Variants in C3orf22 observed in about 807,000 individuals in gnomAD.
The protein encoded by C3orf22 is uncharacterized protein C3orf22.
Under a neutral mutation model 10.8 loss-of-function variants are expected in C3orf22, and 7 were observed. The observed-to-expected ratio is 0.65, with a 90% confidence interval of 0.37 to 1.22. C3orf22 has a LOEUF of 1.22. Ranked by LOEUF, C3orf22 falls within the 50% of genes most tolerant of loss-of-function variation. C3orf22 has a pLI of 0.02. For missense variants in C3orf22, 173 were observed against 177.0 expected, an observed-to-expected ratio of 0.98 and a Z score of 0.13; for synonymous variants, 79 against 78.9, an observed-to-expected ratio of 1.00 and a Z score of 0.00.
intron 4 of C3orf22, among the ~76,000 whole-genome samples, chr3:126,534,023 C>A (rs1264828152): frequency 6.6e-6 from 1 of 152,128 alleles, no homozygotes; most frequent in African/African-American, 2.4e-5. Flanking sequence ...GTTCAGAGTT[C>A]TCTTGTAATC....
chr3:126,535,668 GA>G, intron 4 of C3orf22, among the ~76,000 whole-genome samples: 1 of 152,362 alleles, frequency 6.6e-6, no homozygotes, highest in East Asian at 1.9e-4. Context: ...GCTGGAGACA[GA>G]CAGACAGCAT....
intron 1 of C3orf22, among the ~76,000 whole-genome samples, chr3:126,557,416 G>C (rs1937375345): frequency 6.6e-6 from 1 of 152,238 alleles, no homozygotes; most frequent in Non-Finnish European, 1.5e-5. Context: ...TCCAAATCTG[G>C]GATTCCGGAG....
At chr3:126,539,785 CACACACCACAGACA>C (rs1936897891) in intron 4 of C3orf22, among the ~76,000 whole-genome samples, 1 of 85,388 alleles carries the variant, frequency 1.2e-5, no homozygotes, top group Non-Finnish European at 2.4e-5. Flanking sequence ...ACACACACAC[CACACACCACAGACA>C]CCACACCACA....
rs34311016 is a variant in C3orf22, at chr3:126,541,988, C to T, written c.286+7549G>A. On this transcript the variant is annotated intron_variant and NMD_transcript_variant, in intron 4 of 5. Coordinates refer to the C3orf22 transcript ENST00000505070. ...CATCTCCGCGCAAGAGGCGCACGCGCCTGGCCGCCTGCCCTCACTGGCCGA... is the reference window on the plus strand; with the variant it reads ...CATCTCCGCGCAAGAGGCGCACGCGTCTGGCCGCCTGCCCTCACTGGCCGA... 1.7e-3 allele frequency: 2,726 copies of T among 1,564,694 alleles called. 46 individuals are homozygous for T. In the African/African-American group the frequency reaches 0.033, roughly 19 times the overall value.
Position 126,537,812 on chromosome 3 carries a change from G to A in C3orf22, c.287-8440C>T, listed in dbSNP as rs182730013. 2.9e-4 allele frequency among the ~76,000 whole-genome samples: 44 copies of A among 152,338 alleles called. No individual in the cohort carries two copies. In the East Asian group the frequency reaches 5.8e-3, roughly 20 times the overall value. On this transcript the variant is annotated intron_variant and NMD_transcript_variant, in intron 4 of 5. Transcript: ENST00000505070. ...ATCACGTGCCAGGCCCTTTAGTTCT[G>A]TGGACTAATTACGTCAACCCATAAG...
chr3:126,555,445 T>A (rs1256772084), intron 1 of C3orf22, among the ~76,000 whole-genome samples: 1 of 152,184 alleles, frequency 6.6e-6, no homozygotes, highest in Non-Finnish European at 1.5e-5. Context: ...AGCATGGAAC[T>A]GGGCCGCACA....
chr3:126,550,110 T>G (rs869464), intron 3 of C3orf22, 32 bp from the exon 4 acceptor site: 925,930 of 1,609,098 alleles, frequency 0.58, 272,467 homozygotes, highest in East Asian at 0.64. Context: ...ACGCCTGGCC[T>G]TCAGGACCCC....
At chr3:126,553,505 G>C in intron 1 of C3orf22, 75 bp from the exon 2 acceptor site, 1 of 974,314 alleles carries the variant, frequency 1.0e-6, no homozygotes, top group Non-Finnish European at 1.6e-6. Flanking sequence ...GTACCCAGCA[G>C]GGCTGGGGGT....
At chr3:126,538,551 G>A (rs1186709543) in intron 4 of C3orf22, among the ~76,000 whole-genome samples, 2 of 152,244 alleles carry the variant, frequency 1.3e-5, no homozygotes, top group East Asian at 1.9e-4. Flanking sequence ...TGACACAGCC[G>A]GGGTCGGCCA....
intron 4 of C3orf22, among the ~76,000 whole-genome samples, chr3:126,543,789 G>A (rs1576240479): frequency 6.6e-6 from 1 of 152,260 alleles, no homozygotes; most frequent in East Asian, 1.9e-4. Flanking sequence ...GGTGTGTCTT[G>A]GGCCACTTGT....
chr3:126,548,596 G>T (rs1197156935), downstream of C3orf22, among the ~76,000 whole-genome samples: 1 of 152,232 alleles, frequency 6.6e-6, no homozygotes, highest in East Asian at 1.9e-4. Flanking sequence ...AGGTCTGTGG[G>T]TGCTGCTGGA....
chr3:126,532,963 G>T (rs1445257281), intron 4 of C3orf22, among the ~76,000 whole-genome samples: 1 of 152,024 alleles, frequency 6.6e-6, no homozygotes, highest in Non-Finnish European at 1.5e-5. Flanking sequence ...GGTTTTCAGT[G>T]GACAGGTCTT....
chr3:126,538,224 G>A (rs991006881), intron 4 of C3orf22, among the ~76,000 whole-genome samples: 4 of 152,242 alleles, frequency 2.6e-5, no homozygotes, highest in Admixed American at 2.6e-4. Context: ...GCAGCCCACG[G>A]TTCAGCAGCA....
chr3:126,534,012 T>A (rs1318561781), intron 4 of C3orf22, among the ~76,000 whole-genome samples: 1 of 152,230 alleles, frequency 6.6e-6, no homozygotes, highest in Non-Finnish European at 1.5e-5. Flanking sequence ...GGGCTACAAT[T>A]GTTCAGAGTT....
intron 1 of C3orf22, among the ~76,000 whole-genome samples, chr3:126,557,615 C>A (rs1443770653): frequency 6.6e-6 from 1 of 152,212 alleles, no homozygotes; most frequent in Non-Finnish European, 1.5e-5. Flanking sequence ...GCCACTGGGA[C>A]CATGGCCATG....
At chr3:126,539,539 ACACACACCG>A (rs1164515501) in intron 4 of C3orf22, among the ~76,000 whole-genome samples, 11 of 144,030 alleles carry the variant, frequency 7.6e-5, no homozygotes, top group African/African-American at 2.6e-4. Context: ...TGCACACACC[ACACACACCG>A]CACACACACT....
intron 4 of C3orf22, among the ~76,000 whole-genome samples, chr3:126,544,234 C>T (rs1000533511): frequency 1.2e-4 from 18 of 152,166 alleles, no homozygotes; most frequent in African/African-American, 4.3e-4. Flanking sequence ...GTACTCAGCC[C>T]CCTCACCACG....
At chr3:126,542,663 C>T in intron 4 of C3orf22, 1 of 1,384,358 alleles carries the variant, frequency 7.2e-7, no homozygotes, top group African/African-American at 1.5e-5. Flanking sequence ...GGCCCCAGGA[C>T]CCCTCTTCAA....
At chr3:126,539,833 ACACAC>A (rs1489463385) in intron 4 of C3orf22, among the ~76,000 whole-genome samples, 1 of 61,506 alleles carries the variant, frequency 1.6e-5, no homozygotes, top group African/African-American at 9.9e-5. Context: ...CATACCACAC[ACACAC>A]CACACACATC....
Sources: allele counts gnomAD v4.1 joint callset (sites outside exome capture counted in the v4.1 genomes callset), GRCh38; gene constraint gnomAD v4.1.1; transcripts MANE v1.5; gene names NCBI Gene and HGNC (gene_info 2026-07-23, HGNC 2026-07-21).